MACROD2: variants seen among roughly 807,000 people sequenced by gnomAD.
The protein encoded by MACROD2 is mono-ADP ribosylhydrolase 2, also known as ADP-ribose glycohydrolase MACROD2.
In MACROD2, 36 loss-of-function variants were observed where a neutral mutation model predicts 70.4. That is an observed-to-expected ratio of 0.51 (90% CI 0.39 to 0.68). The LOEUF is 0.68. MACROD2 is among the 30% of genes least tolerant of loss of function. The pLI is 0.00. For missense variants in MACROD2, 496 were observed against 538.4 expected, an observed-to-expected ratio of 0.92 and a Z score of 0.78; for synonymous variants, 172 against 178.8, an observed-to-expected ratio of 0.96 and a Z score of 0.30.
intron 5 of MACROD2, among the ~76,000 whole-genome samples, chr20:15,178,238 G>T (rs1474036900): frequency 3.9e-5 from 6 of 152,070 alleles, no homozygotes; most frequent in Admixed American, 1.3e-4. Context: ...TCTTGATATT[G>T]TATTACTTTA....
At chr20:15,149,607 T>C (rs1188911706) in intron 5 of MACROD2, among the ~76,000 whole-genome samples, 2 of 151,596 alleles carry the variant, frequency 1.3e-5, no homozygotes, top group East Asian at 3.9e-4. Flanking sequence ...AGGAAGAAAA[T>C]AGATTTTGGA....
rs570212690 is a variant in MACROD2 at position 15,241,713 on chromosome 20, C to T, written c.540+11652C>T. 2.1e-5 allele frequency among the ~76,000 whole-genome samples: 3 copies of T among 139,724 alleles called. No individual in the cohort carries two copies. In the South Asian group the frequency reaches 6.9e-4, roughly 32 times the overall value. The allele number at this position is 139,724 out of a possible 152,430, so 91.7% of individuals were successfully genotyped here. A position where few individuals can be genotyped will look rare whatever the true frequency, so the allele number is the denominator to read the frequency against. On this transcript the variant is annotated intron_variant, in intron 6 of 17. Transcript: ENST00000684519. ...GAAAATCCAGAAACAGCTTCTCAAG[C>T]ATTTGATGTTTTTCAATGTAAAAAA... is the stretch of plus-strand genomic sequence containing the variant.
rs1180071947 is a variant in MACROD2 at position 14,832,034 on chromosome 20, GTTT to G, written c.418+147099_418+147101del. On this transcript the variant is annotated intron_variant, in intron 5 of 17. Transcript: ENST00000684519. ...GCACCTCGACTTCATGCCTTTGCGA[GTTT>G]TTTTTTTTTTTTTTTTTTTTTTTGA... Among the ~76,000 whole-genome samples the G allele has an allele frequency of 6.2e-3, 395 of 63,658 alleles. 9 individuals carry two copies. In the East Asian group the frequency reaches 0.091, roughly 15 times the overall value. The allele number at this position is 63,658 out of a possible 152,430, so 41.8% of individuals were successfully genotyped here.
intron 5 of MACROD2, among the ~76,000 whole-genome samples, chr20:14,687,566 C>A (rs1292200944): frequency 6.6e-6 from 1 of 152,100 alleles, no homozygotes; most frequent in Non-Finnish European, 1.5e-5. Context: ...CATGGGCATC[C>A]TGGGGCAAAT....
intron 4 of MACROD2, among the ~76,000 whole-genome samples, chr20:14,552,339 G>T (rs1600376617): frequency 6.8e-6 from 1 of 146,346 alleles, no homozygotes; most frequent in East Asian, 2.0e-4. Context: ...GGTGGGGGCA[G>T]ATAAGGGTCA....
intron 8 of MACROD2, among the ~76,000 whole-genome samples, chr20:15,701,543 A>G (rs1207976181): frequency 6.6e-6 from 1 of 152,190 alleles, no homozygotes; most frequent in Non-Finnish European, 1.5e-5. Flanking sequence ...AATATCTCTA[A>G]ACTATTCTTT....
At chr20:14,340,737 C>T (rs768466867) in intron 3 of MACROD2, among the ~76,000 whole-genome samples, 5 of 152,026 alleles carry the variant, frequency 3.3e-5, no homozygotes, top group African/African-American at 7.2e-5. Flanking sequence ...TAGCATTGTA[C>T]GTGAGAAAGT....
intron 4 of MACROD2, among the ~76,000 whole-genome samples, chr20:14,683,837 T>C (rs1472739304): frequency 6.6e-6 from 1 of 151,954 alleles, no homozygotes; most frequent in African/African-American, 2.4e-5. Context: ...TACTACTCTC[T>C]CTTTTCCTTT....
intron 3 of MACROD2, among the ~76,000 whole-genome samples, chr20:14,489,939 C>A (rs2084776497): frequency 6.6e-6 from 1 of 151,878 alleles, no homozygotes; most frequent in Non-Finnish European, 1.5e-5. Flanking sequence ...CGGCTCACTG[C>A]CACCTCTGCC....
chr20:15,086,896 A>G (rs187431740), intron 5 of MACROD2, among the ~76,000 whole-genome samples: 4 of 152,290 alleles, frequency 2.6e-5, no homozygotes, highest in Admixed American at 2.6e-4. Flanking sequence ...TATAGCACAT[A>G]TTAGGCCCTT....
intron 8 of MACROD2, among the ~76,000 whole-genome samples, chr20:15,745,114 ATAC>A: frequency 6.6e-6 from 1 of 152,350 alleles, no homozygotes; most frequent in South Asian, 2.1e-4. Context: ...CTGTGTACAT[ATAC>A]TACAGTTTAT....
intron 5 of MACROD2, among the ~76,000 whole-genome samples, chr20:14,799,189 A>G (rs189302317): frequency 3.9e-4 from 60 of 152,230 alleles, no homozygotes; most frequent in Middle Eastern, 3.5e-3. Flanking sequence ...TCTTATTTGT[A>G]TAAATATACT....
intron 5 of MACROD2, among the ~76,000 whole-genome samples, chr20:14,829,076 C>T (rs1350990569): frequency 1.3e-5 from 2 of 150,778 alleles, no homozygotes; most frequent in Non-Finnish European, 3.0e-5. Flanking sequence ...TTTCCTGATG[C>T]TCTCCCTCCC....
At chr20:14,395,338 A>G (rs187256813) in intron 3 of MACROD2, among the ~76,000 whole-genome samples, 118 of 152,164 alleles carry the variant, frequency 7.8e-4, no homozygotes, top group African/African-American at 2.8e-3. Flanking sequence ...AAGTTTTTTA[A>G]CTAATTTGTC....
At chr20:14,502,939 C>G (rs1368526554) in intron 4 of MACROD2, among the ~76,000 whole-genome samples, 2 of 152,110 alleles carry the variant, frequency 1.3e-5, no homozygotes, top group Non-Finnish European at 2.9e-5. Context: ...TATTTAATTG[C>G]CCAGAGTAAA....
chr20:15,954,723 T>G (rs953034414), intron 12 of MACROD2, among the ~76,000 whole-genome samples: 21 of 152,180 alleles, frequency 1.4e-4, no homozygotes, highest in Admixed American at 1.2e-3. Flanking sequence ...TTCAAGGAAT[T>G]TACAATCTAG....
chr20:15,276,845 A>G (rs1047750589), intron 6 of MACROD2, among the ~76,000 whole-genome samples: 1 of 152,248 alleles, frequency 6.6e-6, no homozygotes, highest in Admixed American at 6.5e-5. Context: ...TAATTTATAA[A>G]TTGCTAATCT....
rs2083722682 is a variant in MACROD2, at chr20:14,409,194, G to A, written c.272-84285G>A. Among the ~76,000 whole-genome samples, 3 of 148,684 alleles carry A rather than the reference G, an allele frequency of 2.0e-5. 1 individual carries two copies. In the South Asian group the frequency reaches 6.4e-4, roughly 32 times the overall value. ...AACGTATCCCCTAGTGCCATGCCAGGTAAGTGATAGGTCCTCAGTAAATGT... is the reference window on the plus strand; with the variant it reads ...AACGTATCCCCTAGTGCCATGCCAGATAAGTGATAGGTCCTCAGTAAATGT... On this transcript the variant is annotated intron_variant, in intron 3 of 17. Coordinates refer to ENST00000684519, the MANE Select transcript of MACROD2 (RefSeq NM_001351661.2).
At chr20:15,549,328 C>T (rs904383350) in intron 8 of MACROD2, among the ~76,000 whole-genome samples, 3 of 152,146 alleles carry the variant, frequency 2.0e-5, no homozygotes, top group African/African-American at 7.2e-5. Flanking sequence ...GATCTAGAAA[C>T]TATGGCTGTA....
Sources: gnomAD v4.1 joint callset for allele counts (sites outside exome capture counted in the v4.1 genomes callset) on GRCh38, gnomAD v4.1.1 for gene constraint, MANE v1.5 for transcripts, NCBI Gene and HGNC (gene_info 2026-07-23, HGNC 2026-07-21) for gene names.